The following ARHGAP28 variants were observed in gnomAD, a reference collection of about 807,000 sequenced individuals.
The protein encoded by ARHGAP28 is Rho GTPase activating protein 28.
A neutral mutation model predicts 90.7 loss-of-function variants in ARHGAP28; 56 were observed. That is an observed-to-expected ratio of 0.62 (90% CI 0.50 to 0.77). The LOEUF is 0.77. Ranked by LOEUF, ARHGAP28 falls within the 30% of genes least tolerant of loss-of-function variation. ARHGAP28 has a pLI of 0.00. For synonymous variants in ARHGAP28, 308 were observed against 323.3 expected, an observed-to-expected ratio of 0.95 and a Z score of 0.51; for missense variants, 869 against 900.9, an observed-to-expected ratio of 0.96 and a Z score of 0.45.
intron 1 of ARHGAP28, among the ~76,000 whole-genome samples, chr18:6,817,771 A>G (rs1363276464): frequency 6.6e-6 from 1 of 152,170 alleles, no homozygotes; most frequent in Non-Finnish European, 1.5e-5. Context: ...GATGGCACCT[A>G]TATCAGGAAA....
At chr18:6,796,487 G>T (rs1033499874) in intron 1 of ARHGAP28, among the ~76,000 whole-genome samples, 1 of 151,854 alleles carries the variant, frequency 6.6e-6, no homozygotes, top group Non-Finnish European at 1.5e-5. Context: ...AACAATAGCC[G>T]TTTTATTGAA....
At chr18:6,894,159 GC>G (rs2057288046) in intron 14 of ARHGAP28, among the ~76,000 whole-genome samples, 1 of 152,078 alleles carries the variant, frequency 6.6e-6, no homozygotes, top group Admixed American at 6.6e-5. Context: ...GAGCCACCAT[GC>G]CCAGCCACTA....
At chr18:6,808,213 G>A (rs772220768) in intron 1 of ARHGAP28, among the ~76,000 whole-genome samples, 32 of 151,890 alleles carry the variant, frequency 2.1e-4, no homozygotes, top group Non-Finnish European at 3.8e-4. Flanking sequence ...TTATTCACCA[G>A]TATCTAATGT....
intron 2 of ARHGAP28, among the ~76,000 whole-genome samples, chr18:6,829,593 C>T (rs1044662367): frequency 1.5e-4 from 23 of 152,188 alleles, no homozygotes; most frequent in African/African-American, 5.5e-4. Context: ...TATAATCTCA[C>T]ACTGATCAAG....
intron 16 of ARHGAP28, among the ~76,000 whole-genome samples, chr18:6,900,588 G>A (rs1162627748): frequency 6.6e-6 from 1 of 151,920 alleles, no homozygotes; most frequent in Non-Finnish European, 1.5e-5. Flanking sequence ...CAAACTTGAG[G>A]ACATGTCAAT....
At chr18:6,779,290 T>G (rs182607872) in intron 1 of ARHGAP28, among the ~76,000 whole-genome samples, 1 of 152,342 alleles carries the variant, frequency 6.6e-6, no homozygotes, top group Non-Finnish European at 1.5e-5. Context: ...TTAAGATAGA[T>G]ATTGAAGCTC....
chr18:6,898,631 T>C (rs2143801262), intron 16 of ARHGAP28: 1 of 1,555,278 alleles, frequency 6.4e-7, no homozygotes, highest in Non-Finnish European at 8.7e-7. Flanking sequence ...CAGTAGACTT[T>C]TAGTTACATA....
chr18:6,820,790 A>G (rs983665528), intron 1 of ARHGAP28, among the ~76,000 whole-genome samples: 1 of 152,204 alleles, frequency 6.6e-6, no homozygotes, highest in African/African-American at 2.4e-5. Context: ...AGTAAAAAAT[A>G]TTTGTCAAAA....
chr18:6,914,071 T>C lies in ARHGAP28; in HGVS notation c.*1917T>C, dbSNP rs571286830. ...AGTGTATTTCCTTGCATTTGAATGG[T>C]TCAATTCTGTTGTGTTTATGTAGAA... is the stretch of plus-strand genomic sequence containing the variant. On this transcript the variant is annotated 3_prime_UTR_variant, in exon 18 of 18. Transcript: ENST00000383472. The C allele has an allele frequency of 9.8e-5, 15 of 152,328 alleles. No homozygotes were observed. Among genetic ancestry groups the C allele is most frequent in the African/African-American group, 2.6e-4 (11 of 41,582 alleles). 9.4% of individuals were successfully genotyped at this position (152,328 alleles called of 1,614,324 possible).
intron 1 of ARHGAP28, among the ~76,000 whole-genome samples, chr18:6,823,798 G>A (rs1402956855): frequency 6.6e-6 from 1 of 152,056 alleles, no homozygotes; most frequent in African/African-American, 2.4e-5. Flanking sequence ...CCAGGCTGGA[G>A]TGCAAGTGGC....
chr18:6,801,908 C>T (rs548040080), intron 1 of ARHGAP28, among the ~76,000 whole-genome samples: 2 of 152,272 alleles, frequency 1.3e-5, no homozygotes, highest in African/African-American at 2.4e-5. Context: ...ATTAACCTCT[C>T]TTCATCCTCT....
chr18:6,794,064 G>C (rs889413344), intron 1 of ARHGAP28, among the ~76,000 whole-genome samples: 8 of 152,144 alleles, frequency 5.3e-5, no homozygotes, highest in Non-Finnish European at 8.8e-5. Context: ...TTAAGAAAAA[G>C]TGTATGGCGT....
intron 1 of ARHGAP28, among the ~76,000 whole-genome samples, chr18:6,817,332 CAAAAA>C (rs34524960): frequency 6.8e-6 from 1 of 147,776 alleles, no homozygotes; most frequent in African/African-American, 2.5e-5. Flanking sequence ...AACAAACAAA[CAAAAA>C]AAAAACAAAA....
chr18:6,734,869 T>A (rs1053811323), intron 1 of ARHGAP28, among the ~76,000 whole-genome samples: 17 of 152,176 alleles, frequency 1.1e-4, no homozygotes, highest in Non-Finnish European at 2.1e-4. Context: ...ATTCTTTATG[T>A]TATGGTTGAA....
intron 1 of ARHGAP28, among the ~76,000 whole-genome samples, chr18:6,737,484 G>A (rs536738141): frequency 6.6e-6 from 1 of 152,204 alleles, no homozygotes; most frequent in South Asian, 2.1e-4. Flanking sequence ...AACATGCTTT[G>A]TAATTTACTT....
chr18:6,805,479 CTTTTTTT>C (rs756550297), intron 1 of ARHGAP28, among the ~76,000 whole-genome samples: 1,225 of 97,596 alleles, frequency 0.013, 15 homozygotes, highest in African/African-American at 0.048. Context: ...TAACCTTTGC[CTTTTTTT>C]TTTTTTTTTT....
chr18:6,775,968 G>T (rs2056279953), intron 1 of ARHGAP28, among the ~76,000 whole-genome samples: 1 of 152,092 alleles, frequency 6.6e-6, no homozygotes, highest in Non-Finnish European at 1.5e-5. Context: ...TCATTTTTAT[G>T]ATCTTAAAGC....
chr18:6,847,224 A>G (rs1381182008), intron 3 of ARHGAP28, among the ~76,000 whole-genome samples: 8 of 152,120 alleles, frequency 5.3e-5, no homozygotes, highest in Non-Finnish European at 4.4e-5. Context: ...CCAGATTTCC[A>G]GGCAGCTTAT....
chr18:6,898,785 T>C, intron 16 of ARHGAP28: 1 of 1,224,726 alleles, frequency 8.2e-7, no homozygotes, highest in Non-Finnish European at 1.0e-6. Context: ...AACTCAGGAA[T>C]GGAAAACCAA....
Sources: gnomAD v4.1 joint callset for allele counts (sites outside exome capture counted in the v4.1 genomes callset) on GRCh38, gnomAD v4.1.1 for gene constraint, MANE v1.5 for transcripts, NCBI Gene and HGNC (gene_info 2026-07-23, HGNC 2026-07-21) for gene names.